The following HDX variants were observed in gnomAD, a reference collection of about 807,000 sequenced individuals.
HDX encodes highly divergent homeobox.
Under a neutral mutation model 45.2 loss-of-function variants are expected in HDX, and 19 were observed. The observed-to-expected ratio is 0.42, with a 90% confidence interval of 0.29 to 0.62. The LOEUF (loss-of-function observed/expected upper bound fraction) is 0.62. Among genes scored for constraint, HDX ranks in the 20% least tolerant of loss-of-function variants. The probability of loss-of-function intolerance (pLI) is 0.20; values close to 1 mark genes in which losing one functional copy is unlikely to be tolerated. For missense variants in HDX, 532 were observed against 493.9 expected, an observed-to-expected ratio of 1.08 and a Z score of -0.73; for synonymous variants, 188 against 172.8, an observed-to-expected ratio of 1.09 and a Z score of -0.69.
At chrX:84,364,312 C>T (rs1380770909) in intron 5 of HDX, among the ~76,000 whole-genome samples, 1 of 109,711 alleles carries the variant, frequency 9.1e-6, no homozygotes, top group South Asian at 3.9e-4. Context: ...TAAACTTTTC[C>T]ACTTAATAGT....
At chrX:84,481,342 C>T (rs1212270554) in intron 2 of HDX, among the ~76,000 whole-genome samples, 3 of 111,177 alleles carry the variant, frequency 2.7e-5, no homozygotes, top group African/African-American at 9.8e-5. Context: ...TTTCTACTCT[C>T]TATTTTTTGT....
intron 2 of HDX, among the ~76,000 whole-genome samples, chrX:84,483,983 A>G (rs1337272565): frequency 9.0e-6 from 1 of 111,503 alleles, no homozygotes; most frequent in Non-Finnish European, 1.9e-5. Flanking sequence ...CTCAGCCTGG[A>G]CTTCATTGTC....
At chrX:84,439,005 G>A (rs1172117762) in intron 5 of HDX, among the ~76,000 whole-genome samples, 1 of 112,151 alleles carries the variant, frequency 8.9e-6, no homozygotes, top group Non-Finnish European at 1.9e-5. Flanking sequence ...CCCAGCAACA[G>A]TGTATTTTAT....
At chrX:84,365,651 A>T (rs2037731833) in intron 5 of HDX, among the ~76,000 whole-genome samples, 1 of 111,810 alleles carries the variant, frequency 8.9e-6, no homozygotes, top group South Asian at 3.7e-4. Flanking sequence ...CTATTTTAAT[A>T]GCATATTTTA....
chrX:84,373,549 A>G (rs952268610), intron 5 of HDX, among the ~76,000 whole-genome samples: 2 of 110,662 alleles, frequency 1.8e-5, no homozygotes, highest in Admixed American at 9.6e-5. Context: ...CTCATCAAAA[A>G]GCTTATCCAC....
intron 7 of HDX, among the ~76,000 whole-genome samples, chrX:84,338,386 CAT>C (rs1027267410): frequency 9.1e-6 from 1 of 110,322 alleles, no homozygotes; most frequent in Non-Finnish European, 1.9e-5. Flanking sequence ...CACACACACA[CAT>C]ATATAAATTG....
At chrX:84,441,799 C>T (rs2039766215) in intron 4 of HDX, among the ~76,000 whole-genome samples, 1 of 109,281 alleles carries the variant, frequency 9.2e-6, no homozygotes, top group African/African-American at 3.5e-5. Flanking sequence ...TTGACCTTTA[C>T]TAATGGGGCA....
chrX:84,359,621 C>T lies in HDX; in HGVS notation c.1452+1845G>A, dbSNP rs558744487. Among the ~76,000 whole-genome samples, 35 of 111,515 alleles carry T rather than the reference C, an allele frequency of 3.1e-4. 1 individual carries two copies. In the South Asian group the frequency reaches 0.013, roughly 41 times the overall value. On this transcript the variant is annotated intron_variant, in intron 6 of 10. Transcript: ENST00000373177. ...TGGACATGTGGGTTGCTTCCATGTC[C>T]TTGCTATTGTGAATACTGCTGCAAT... is the stretch of plus-strand genomic sequence containing the variant.
At chrX:84,493,760 G>A (rs1343993883) in intron 1 of HDX, among the ~76,000 whole-genome samples, 3 of 111,553 alleles carry the variant, frequency 2.7e-5, no homozygotes, top group Admixed American at 9.5e-5. Flanking sequence ...CATACCATCA[G>A]ATATCAGAAA....
chrX:84,455,602 A>G lies in HDX; in HGVS notation c.1251+12870T>C, dbSNP rs747848113. ...CAAGAACATAACCTCAAAAGGGCAAATCTAAAAGATTTTGGCCTCAAAGAG... is the reference window on the plus strand; with the variant it reads ...CAAGAACATAACCTCAAAAGGGCAAGTCTAAAAGATTTTGGCCTCAAAGAG... On this transcript the variant is annotated intron_variant, in intron 4 of 10. Transcript: ENST00000373177. Among the ~76,000 whole-genome samples the G allele has an allele frequency of 7.1e-5, 8 of 111,995 alleles. No individual in the cohort carries two copies. The East Asian group carries it at 2.0e-3, about 28-fold the overall frequency.
intron 4 of HDX, among the ~76,000 whole-genome samples, chrX:84,454,779 C>T (rs992922039): frequency 6.3e-5 from 7 of 111,046 alleles, no homozygotes; most frequent in African/African-American, 2.3e-4. Flanking sequence ...CAGTACTGTG[C>T]TGGTTTCAGG....
intron 9 of HDX, among the ~76,000 whole-genome samples, chrX:84,331,113 T>G (rs1374347084): frequency 1.8e-5 from 2 of 111,679 alleles, no homozygotes; most frequent in East Asian, 5.6e-4. Context: ...TATTAATGAC[T>G]GCCAAGTCTG....
Position 84,468,875 on chromosome X carries a change from G to A in HDX, c.848C>T (p.Pro283Leu). 8.3e-7 allele frequency: 1 copy of A among 1,211,075 alleles called. No homozygotes were observed. Residue 283 changes from proline to leucine, a missense_variant, in exon 4 of 11, where the codon CCA (proline) becomes CTA (leucine). By Grantham distance (98) the Pro-to-Leu change is moderately conservative (BLOSUM62 -3). Coordinates refer to ENST00000373177, the MANE Select transcript of HDX (RefSeq NM_001177479.2). Reference sequence around the variant, plus strand: ...TCCTTCTGCTGAGCTAGGCTTCTGTGGGGCATTTCCTCCCAGAATTCTCTG... The same window carrying A: ...TCCTTCTGCTGAGCTAGGCTTCTGTAGGGCATTTCCTCCCAGAATTCTCTG... ...YPQRILGGNA[P>L]QKPSSAEGNC...
At chrX:84,398,099 T>C (rs1006650164) in intron 5 of HDX, among the ~76,000 whole-genome samples, 1 of 109,974 alleles carries the variant, frequency 9.1e-6, no homozygotes, top group African/African-American at 3.3e-5. Flanking sequence ...TATGTGTGTA[T>C]GTATATATAT....
chrX:84,502,200 C>A (rs766662262), intron 1 of HDX, 142 bp downstream of exon 1: 1 of 110,922 alleles, frequency 9.0e-6, no homozygotes, highest in East Asian at 2.9e-4. Flanking sequence ...AGGATCCGCA[C>A]CAGTTTTTTG....
intron 9 of HDX, among the ~76,000 whole-genome samples, chrX:84,330,399 A>G (rs2036820074): frequency 9.0e-6 from 1 of 111,722 alleles, no homozygotes; most frequent in Non-Finnish European, 1.9e-5. Flanking sequence ...TTCAATTGAG[A>G]GGATGGTGTA....
At chrX:84,345,434 C>G (rs67576369) in intron 6 of HDX, among the ~76,000 whole-genome samples, 10,760 of 110,922 alleles carry the variant, frequency 0.097, 772 homozygotes, top group African/African-American at 0.25. Flanking sequence ...GCATCATTCC[C>G]TGGAGATTCA....
chrX:84,416,700 G>T (rs1478751188), intron 5 of HDX, among the ~76,000 whole-genome samples: 1 of 111,149 alleles, frequency 9.0e-6, no homozygotes, highest in African/African-American at 3.3e-5. Flanking sequence ...AAATTTTCTA[G>T]CAGCAACAAT....
At chrX:84,498,816 T>A (rs751101996) in intron 1 of HDX, among the ~76,000 whole-genome samples, 1 of 79,520 alleles carries the variant, frequency 1.3e-5, no homozygotes, top group East Asian at 3.7e-4. Flanking sequence ...GTTTATGGAA[T>A]GTATGCACAC....
Sources: gnomAD v4.1 joint callset for allele counts (sites outside exome capture counted in the v4.1 genomes callset) on GRCh38, gnomAD v4.1.1 for gene constraint, MANE v1.5 for transcripts, NCBI Gene and HGNC (gene_info 2026-07-23, HGNC 2026-07-21) for gene names.